The following CAVIN4 variants were observed in gnomAD, a reference collection of about 807,000 sequenced individuals.
CAVIN4 encodes the protein caveolae-associated protein 4.
A neutral mutation model predicts 18.6 loss-of-function variants in CAVIN4; 10 were observed. That is an observed-to-expected ratio of 0.54 (90% CI 0.33 to 0.91). CAVIN4 has a LOEUF of 0.91. CAVIN4 is among the 40% of genes least tolerant of loss of function. The probability of loss-of-function intolerance (pLI) is 0.02; values close to 1 mark genes in which losing one functional copy is unlikely to be tolerated. For missense variants in CAVIN4, 459 were observed against 440.5 expected (o/e 1.04, Z -0.38); for synonymous variants, 173 against 164.8 (o/e 1.05, Z -0.38).
chr9:100,581,540 A>G (rs912633884), intron 1 of CAVIN4, among the ~76,000 whole-genome samples: 1 of 152,228 alleles, frequency 6.6e-6, no homozygotes, highest in African/African-American at 2.4e-5. Context: ...TTCAGTTATT[A>G]TAACAGTCTA....
intron 1 of CAVIN4, among the ~76,000 whole-genome samples, chr9:100,579,572 T>A (rs910252973): frequency 6.6e-6 from 1 of 152,244 alleles, no homozygotes; most frequent in East Asian, 1.9e-4. Context: ...TTTGGTAGTA[T>A]GTATTAAGAA....
rs1839495325 is a variant in CAVIN4, at chr9:100,587,631, G to A, written c.*1180G>A. ...AATGGGCCGGGTGTGGTGGCTCACG[G>A]GGAGTAATCCCAGCACTTTGCGAGG... is the stretch of plus-strand genomic sequence containing the variant. On this transcript the variant is annotated 3_prime_UTR_variant, in exon 2 of 2. Coordinates refer to ENST00000307584, the MANE Select transcript of CAVIN4 (RefSeq NM_001018116.2). 6.6e-6 allele frequency: 1 copy of A among 152,206 alleles called. No individual in the cohort carries two copies. The highest frequency in any genetic ancestry group is 2.4e-5 in the African/African-American group (1 of 41,442). 9.4% of individuals were successfully genotyped at this position (152,206 alleles called of 1,614,324 possible). A position where few individuals can be genotyped will look rare whatever the true frequency, so the allele number is the denominator to read the frequency against.
chr9:100,578,271 T>C lies in CAVIN4; in HGVS notation c.128T>C (p.Ile43Thr). 3 of 1,613,876 alleles carry C rather than the reference T, an allele frequency of 1.9e-6. No individual in the cohort carries two copies. Among genetic ancestry groups the C allele is most frequent in the African/African-American group, 2.7e-5 (2 of 74,880 alleles). Residue 43 changes from isoleucine to threonine, a missense_variant, in exon 1 of 2, where the codon ATC becomes ACC. Transcript: ENST00000307584. ...IVTVLDKVAS[I>T]VDSVQASQKR... Reference sequence around the variant, plus strand: ...ACTGTGCTGGACAAAGTAGCCTCCATCGTGGACAGTGTGCAGGCAAGCCAG... The same window carrying C: ...ACTGTGCTGGACAAAGTAGCCTCCACCGTGGACAGTGTGCAGGCAAGCCAG...
At chr9:100,577,781 G>A, upstream of CAVIN4, 1 of 169,154 alleles carries the variant, frequency 5.9e-6, no homozygotes, top group Non-Finnish European at 1.3e-5. Context: ...TTATCTAAAG[G>A]CAAAAGCTTT....
intron 1 of CAVIN4, among the ~76,000 whole-genome samples, chr9:100,584,304 G>A (rs1839456759): frequency 1.3e-5 from 2 of 152,112 alleles, no homozygotes; most frequent in Admixed American, 6.5e-5. Context: ...GTCCCTCTCC[G>A]AGAATATAAG....
chr9:100,579,599 A>T (rs190740604), intron 1 of CAVIN4, among the ~76,000 whole-genome samples: 60 of 152,276 alleles, frequency 3.9e-4, no homozygotes, highest in Non-Finnish European at 4.4e-5. Context: ...AAATTCACAA[A>T]CTTTTTGGCC....
At chr9:100,584,814 G>C (rs896180416) in intron 1 of CAVIN4, among the ~76,000 whole-genome samples, 8 of 152,150 alleles carry the variant, frequency 5.3e-5, no homozygotes, top group African/African-American at 1.9e-4. Flanking sequence ...CTCGCAGTTC[G>C]AGTCCAGCCT....
In CAVIN4 at chr9:100,578,141, A is replaced by G. The variant is rs770017069; in HGVS notation, c.-3A>G. ...GGACATCTTACGCTGAGAAATAAATAAAATGGAACATAATGGGTCTGCTTC... is the reference window on the plus strand; with the variant it reads ...GGACATCTTACGCTGAGAAATAAATGAAATGGAACATAATGGGTCTGCTTC... On this transcript the variant is annotated 5_prime_UTR_variant, in exon 1 of 2. The change creates a new upstream start codon in the 5' untranslated region. Transcript: ENST00000307584. 7.4e-6 allele frequency: 12 copies of G among 1,613,630 alleles called. No individual in the cohort carries two copies. In the East Asian group the frequency reaches 2.5e-4, roughly 33 times the overall value.
upstream of CAVIN4, chr9:100,576,953 A>G (rs1276083895): frequency 2.4e-5 from 4 of 168,896 alleles, no homozygotes; most frequent in Non-Finnish European, 5.1e-5. Context: ...GCATGAACTA[A>G]AGGTAAAGAT....
rs1432216274 is a variant in CAVIN4, at chr9:100,588,092, T to C, written c.*1641T>C. On this transcript the variant is annotated 3_prime_UTR_variant, in exon 2 of 2. Coordinates refer to ENST00000307584, the MANE Select transcript of CAVIN4 (RefSeq NM_001018116.2). ...ATCATATGGTAGTTAAAATAATAAG[T>C]GTACACATATACACACAGGCATACA... Among the ~76,000 whole-genome samples, 1 of 152,188 alleles carries C rather than the reference T, an allele frequency of 6.6e-6. No homozygotes were observed. Among genetic ancestry groups the C allele is most frequent in the Non-Finnish European group, 1.5e-5 (1 of 68,026 alleles).
chr9:100,577,982 C>G, upstream of CAVIN4: 2 of 641,656 alleles, frequency 3.1e-6, no homozygotes, highest in Non-Finnish European at 5.4e-6. Context: ...GATTGCAGAA[C>G]AGTCACATAT....
Position 100,587,498 on chromosome 9 carries a change from G to C in CAVIN4, c.*1047G>C, listed in dbSNP as rs1839493094. On this transcript the variant is annotated 3_prime_UTR_variant, in exon 2 of 2. Transcript: ENST00000307584. ...GCTGTCCAAAACAGTGTTGATAGGA[G>C]TTCATCATAGCTGCTTTGGGAGGAA... is the stretch of plus-strand genomic sequence containing the variant. 1 of 152,176 alleles carries C rather than the reference G, an allele frequency of 6.6e-6. No individual in the cohort carries two copies. 9.4% of individuals were successfully genotyped at this position (152,176 alleles called of 1,614,324 possible).
In CAVIN4 at chr9:100,586,167, A is replaced by G. The variant is rs1433616927; in HGVS notation, c.811A>G (p.Met271Val). 2 of 1,563,882 alleles carry G rather than the reference A, an allele frequency of 1.3e-6. No individual in the cohort carries two copies. The highest frequency in any genetic ancestry group is 1.2e-5 in the South Asian group (1 of 80,738). Residue 271 changes from methionine to valine, a missense_variant, in exon 2 of 2, where the codon ATG becomes GTG. Transcript: ENST00000307584. ...AGCTCCCTCAAAGGAAGCTTTTAAG[A>G]TGCGCAGCCTCAGGAAAGGTAAGGA... ...NAAPSKEAFK[M>V]RSLRKGKDRT...
At chr9:100,580,192 G>A (rs2118603232) in intron 1 of CAVIN4, among the ~76,000 whole-genome samples, 1 of 152,226 alleles carries the variant, frequency 6.6e-6, no homozygotes, top group East Asian at 1.9e-4. Flanking sequence ...TGCTACTTAG[G>A]AGGCTGAGGT....
upstream of CAVIN4, chr9:100,577,379 T>C (rs1303975944): frequency 6.6e-6 from 1 of 152,558 alleles, no homozygotes; most frequent in Non-Finnish European, 1.5e-5. Context: ...ACAAAAATGA[T>C]TGTTAATGAT....
intron 1 of CAVIN4, among the ~76,000 whole-genome samples, chr9:100,579,255 G>T (rs531106585): frequency 1.3e-5 from 2 of 151,928 alleles, no homozygotes; most frequent in African/African-American, 2.4e-5. Flanking sequence ...ATTATTCTGC[G>T]CTTGGCACTC....
intron 1 of CAVIN4, among the ~76,000 whole-genome samples, chr9:100,580,815 T>G (rs902270128): frequency 2.0e-5 from 3 of 152,236 alleles, no homozygotes; most frequent in African/African-American, 7.2e-5. Flanking sequence ...TGCTATCATT[T>G]ATAATGGAAC....
At position 100,586,351 on chromosome 9, in the gene CAVIN4, G is replaced by C. The variant is rs1416925648; in HGVS notation, c.995G>C (p.Arg332Thr). The change falls in exon 2 of 2, where the codon AGG (arginine) becomes ACG (threonine). Residue 332 changes from arginine to threonine, a missense_variant. Physicochemically the swap from Arg to Thr is moderately conservative, Grantham distance 71. Coordinates refer to ENST00000307584, the MANE Select transcript of CAVIN4 (RefSeq NM_001018116.2). ...CCGGTGTATCCTCCCCATGAAGGAA[G>C]GGAAATCCCCACCCCCGAGCCTTTA... ...ARPVYPPHEG[R>T]EIPTPEPLKV... The C allele has an allele frequency of 6.2e-7, 1 of 1,613,972 alleles. No homozygotes were observed. The highest frequency in any genetic ancestry group is 8.5e-7 in the Non-Finnish European group (1 of 1,179,988).
intron 1 of CAVIN4, chr9:100,581,409 A>G (rs1249028637): frequency 6.6e-6 from 1 of 152,244 alleles, no homozygotes; most frequent in African/African-American, 2.4e-5. Context: ...TGTTCAATCC[A>G]GCCCACAGTA....
Sources: allele counts gnomAD v4.1 joint callset (sites outside exome capture counted in the v4.1 genomes callset), GRCh38; gene constraint gnomAD v4.1.1; transcripts MANE v1.5; gene names NCBI Gene and HGNC (gene_info 2026-07-23, HGNC 2026-07-21).